CD200: variants seen among roughly 807,000 people sequenced by gnomAD.
CD200 encodes the protein OX-2 membrane glycoprotein.
In CD200, 15 loss-of-function variants were observed where a neutral mutation model predicts 30.9. The ratio of observed to expected loss-of-function variants is 0.49; its 90% CI spans 0.32 to 0.75. The LOEUF is 0.75. Among genes scored for constraint, CD200 ranks in the 30% least tolerant of loss-of-function variants. The probability of loss-of-function intolerance (pLI) is 0.03; values close to 1 mark genes in which losing one functional copy is unlikely to be tolerated. For missense variants in CD200, 262 were observed against 324.2 expected (o/e 0.81, Z 1.47); for synonymous variants, 134 against 126.2 (o/e 1.06, Z -0.41).
At chr3:112,352,470 CA>C (rs992188308) in intron 5 of CD200, among the ~76,000 whole-genome samples, 7 of 151,676 alleles carry the variant, frequency 4.6e-5, no homozygotes, top group African/African-American at 1.7e-4. Context: ...CAAAATAATA[CA>C]AAGGTTTTGA....
At chr3:112,342,329 CTTTCTTTCCTTCTTTCTTTCTTTCTTTCT>C (rs2081266893) in intron 2 of CD200, among the ~76,000 whole-genome samples, 1 of 26,462 alleles carries the variant, frequency 3.8e-5, no homozygotes, top group African/African-American at 1.6e-4. Context: ...TTCTTTCTTT[CTTTCTTTCCTTCTTTCTTTCTTTCTTTCT>C]TTCTTTCTTT....
chr3:112,344,077 A>G (rs916480137), intron 2 of CD200, among the ~76,000 whole-genome samples: 2 of 152,134 alleles, frequency 1.3e-5, no homozygotes, highest in Admixed American at 6.5e-5. Flanking sequence ...CATTTTCTAT[A>G]TCTCTAATTT....
chr3:112,361,433 A>T lies in CD200; in HGVS notation c.803-110A>T. ...TCTTTATCTTTGCCAATGAATATAC[A>T]CTAGAATAACTCTGTGTTTCTTAAT... On this transcript the variant is annotated intron_variant, in intron 5 of 5. Transcript: ENST00000315711. 7.8e-6 allele frequency: 7 copies of T among 900,026 alleles called. 1 individual carries two copies. The South Asian group carries it at 9.5e-5, about 12-fold the overall frequency. 55.8% of individuals were successfully genotyped at this position (900,026 alleles called of 1,614,324 possible). A position where few individuals can be genotyped will look rare whatever the true frequency, so the allele number is the denominator to read the frequency against.
intron 2 of CD200, among the ~76,000 whole-genome samples, chr3:112,342,415 TTC>T (rs1473332062): frequency 1.2e-5 from 1 of 81,478 alleles, no homozygotes; most frequent in Non-Finnish European, 2.5e-5. Flanking sequence ...CTTTCTTTCT[TTC>T]TTTCTTTCTT....
chr3:112,353,610 A>G (rs747621858), intron 5 of CD200, among the ~76,000 whole-genome samples: 21 of 152,130 alleles, frequency 1.4e-4, no homozygotes, highest in Non-Finnish European at 2.8e-4. Flanking sequence ...TACTTAATAC[A>G]AACAACAAAG....
intron 3 of CD200, among the ~76,000 whole-genome samples, chr3:112,346,177 A>G (rs2081386322): frequency 6.6e-6 from 1 of 151,988 alleles, no homozygotes; most frequent in African/African-American, 2.4e-5. Context: ...GTAGAATCTT[A>G]TGTTGTTTCT....
At chr3:112,336,532 GAGGGGATGGGATTCCCAC>G in intron 1 of CD200, among the ~76,000 whole-genome samples, 1 of 151,946 alleles carries the variant, frequency 6.6e-6, no homozygotes, top group African/African-American at 2.4e-5. Context: ...CACCGAGAAT[GAGGGGATGGGATTCCCAC>G]AGGTAGAACA....
At position 112,337,869 on chromosome 3, in the gene CD200, A is replaced by G. The variant is rs951679184; in HGVS notation, c.13-3033A>G. Among the ~76,000 whole-genome samples the G allele has an allele frequency of 3.9e-5, 6 of 152,314 alleles. No individual in the cohort carries two copies. The South Asian group carries it at 1.2e-3, about 32-fold the overall frequency. On this transcript the variant is annotated intron_variant, in intron 1 of 5. Transcript: ENST00000315711. ...TTATATGAAATGCTGTAATATTTGC[A>G]TATAACCTATGCATATCCTCCCATA... is the stretch of plus-strand genomic sequence containing the variant.
chr3:112,361,557 C>T lies in CD200; in HGVS notation c.*7C>T, dbSNP rs977220749. On this transcript the variant is annotated 3_prime_UTR_variant, in exon 6 of 6. Coordinates refer to ENST00000315711, the MANE Select transcript of CD200 (RefSeq NM_005944.7). Reference sequence around the variant, plus strand: ...CTTTTATCCAGAGCCCTAAATAAGTCACACAGCACCCTGAAAGTGATTCCC... The same window carrying T: ...CTTTTATCCAGAGCCCTAAATAAGTTACACAGCACCCTGAAAGTGATTCCC... 1 of 1,608,610 alleles carries T rather than the reference C, an allele frequency of 6.2e-7. No homozygotes were observed.
Position 112,359,246 on chromosome 3 carries a change from T to A in CD200, c.803-2297T>A, listed in dbSNP as rs956002483. 3.9e-5 allele frequency among the ~76,000 whole-genome samples: 6 copies of A among 151,980 alleles called. No homozygotes were observed. In the East Asian group the frequency reaches 7.7e-4, roughly 20 times the overall value. On this transcript the variant is annotated intron_variant, in intron 5 of 5. Coordinates refer to ENST00000315711, the MANE Select transcript of CD200 (RefSeq NM_005944.7). ...GTCAGGCTTAATTTAAGAGCTTTTTTTAAAAAAAACAGACAAACAACAACA... is the reference window on the plus strand; with the variant it reads ...GTCAGGCTTAATTTAAGAGCTTTTTATAAAAAAAACAGACAAACAACAACA...
chr3:112,357,162 G>A lies in CD200; in HGVS notation c.803-4381G>A, dbSNP rs572498977. Reference sequence around the variant, plus strand: ...TGTAGTCCCAGCTACTCGGGAGGCTGAGGCAGGAGAATGGCGTGAACCCGG... The same window carrying A: ...TGTAGTCCCAGCTACTCGGGAGGCTAAGGCAGGAGAATGGCGTGAACCCGG... On this transcript the variant is annotated intron_variant, in intron 5 of 5. Coordinates refer to ENST00000315711, the MANE Select transcript of CD200 (RefSeq NM_005944.7). 1.7e-4 allele frequency among the ~76,000 whole-genome samples: 25 copies of A among 151,246 alleles called. No individual in the cohort carries two copies. The East Asian group carries it at 3.9e-3, about 24-fold the overall frequency.
At position 112,361,368 on chromosome 3, in the gene CD200, C is replaced by T. The variant is rs72952426; in HGVS notation, c.803-175C>T. Among the ~76,000 whole-genome samples the T allele has an allele frequency of 5.7e-3, 871 of 152,282 alleles. 7 individuals carry two copies. The highest frequency in any genetic ancestry group is 0.019 in the African/African-American group (804 of 41,562). On this transcript the variant is annotated intron_variant, in intron 5 of 5. Coordinates refer to ENST00000315711, the MANE Select transcript of CD200 (RefSeq NM_005944.7). ...GCCTACTTTTGTTCTTGTAAAGAGTCATAGTCCCCTCACACCATACTGGGT... is the reference window on the plus strand; with the variant it reads ...GCCTACTTTTGTTCTTGTAAAGAGTTATAGTCCCCTCACACCATACTGGGT...
At chr3:112,346,966 G>A (rs1438476422) in intron 3 of CD200, among the ~76,000 whole-genome samples, 2 of 152,094 alleles carry the variant, frequency 1.3e-5, no homozygotes, top group East Asian at 1.9e-4. Context: ...TATTAGCTAC[G>A]AATTCCAAAT....
At chr3:112,350,056 A>T in intron 5 of CD200, 1 of 786,324 alleles carries the variant, frequency 1.3e-6, no homozygotes, top group Non-Finnish European at 1.5e-6. Context: ...AAGCTAATGA[A>T]ATCAAACAAT....
intron 5 of CD200, among the ~76,000 whole-genome samples, chr3:112,351,499 T>TA (rs1559789555): frequency 6.6e-6 from 1 of 152,206 alleles, no homozygotes; most frequent in African/African-American, 2.4e-5. Flanking sequence ...CTGGGAAATA[T>TA]AGTCATTCAA....
rs2081434918 is a variant in CD200 at position 112,347,815 on chromosome 3, CA to C, written c.682del (p.Thr228ProfsTer14). 1 of 1,613,140 alleles carries C rather than the reference CA, an allele frequency of 6.2e-7. No individual in the cohort carries two copies. The highest frequency in any genetic ancestry group is 8.5e-7 in the Non-Finnish European group (1 of 1,179,696). ...LHLGTVTDFK[Q>X]TVNKGYWFSV... is the part of the protein sequence containing the mutation. ...CCTGGGGACTGTGACCGACTTTAAG[CA>C]AACCGTCAACAAAGGTAAGAGAAAG... On this transcript the variant is annotated frameshift_variant, in exon 4 of 6. Transcript: ENST00000315711. LOFTEE classifies it high-confidence loss of function.
intron 1 of CD200, chr3:112,336,099 T>C (rs2081109628): frequency 3.2e-6 from 3 of 933,130 alleles, no homozygotes; most frequent in Non-Finnish European, 5.3e-6. Flanking sequence ...TTATATAAGA[T>C]TAATGTTTGT....
intron 1 of CD200, chr3:112,334,215 T>C (rs1576577844): frequency 2.0e-6 from 2 of 985,230 alleles, no homozygotes; most frequent in Non-Finnish European, 1.2e-6. Flanking sequence ...TGTGACTACA[T>C]GTGGGGTAAT....
In CD200 at chr3:112,347,732, T is replaced by A. The variant is rs2081432343; in HGVS notation, c.596T>A (p.Leu199His). Residue 199 changes from leucine (L) to histidine (H), a missense_variant, in exon 4 of 6, where the codon CTC (leucine) becomes CAC (histidine). Transcript: ENST00000315711. ...PNGTTSVTSILHIKDPKNQVG... is the reference protein window; with the variant it reads ...PNGTTSVTSIHHIKDPKNQVG... Reference sequence around the variant, plus strand: ...GGGACCACGTCTGTTACCAGCATCCTCCATATCAAAGACCCTAAGAATCAG... The same window carrying A: ...GGGACCACGTCTGTTACCAGCATCCACCATATCAAAGACCCTAAGAATCAG... 6.2e-7 allele frequency: 1 copy of A among 1,613,788 alleles called. No individual in the cohort carries two copies. The highest frequency in any genetic ancestry group is 8.5e-7 in the Non-Finnish European group (1 of 1,179,906).
Sources: allele counts gnomAD v4.1 joint callset (sites outside exome capture counted in the v4.1 genomes callset), GRCh38; gene constraint gnomAD v4.1.1; transcripts MANE v1.5; gene names NCBI Gene and HGNC (gene_info 2026-07-23, HGNC 2026-07-21).